Variants in ANTXR2 observed in about 807,000 individuals in gnomAD.
The protein encoded by ANTXR2 is ANTXR cell adhesion molecule 2.
In ANTXR2, 44 loss-of-function variants were observed where a neutral mutation model predicts 73.7. The ratio of observed to expected loss-of-function variants is 0.60; its 90% CI spans 0.47 to 0.77. The LOEUF is 0.77. Ranked by LOEUF, ANTXR2 falls within the 30% of genes least tolerant of loss-of-function variation. The pLI is 0.00. For synonymous variants in ANTXR2, 217 were observed against 205.9 expected (o/e 1.05, Z -0.46); for missense variants, 604 against 592.5 (o/e 1.02, Z -0.20).
In ANTXR2 at chr4:79,901,636, T is replaced by C. The variant is rs1726705390; in HGVS notation, c.*5793A>G. On this transcript the variant is annotated 3_prime_UTR_variant, in exon 17 of 17. Transcript: ENST00000403729. ...AGTGGATTACATTTATTATGTACTT[T>C]ATTTCTATTATTATTACATTGTTAT... is the stretch of plus-strand genomic sequence containing the variant. The C allele has an allele frequency of 6.6e-6, 1 of 151,978 alleles. No homozygotes were observed. The highest frequency in any genetic ancestry group is 2.4e-5 in the African/African-American group (1 of 41,346). The allele number at this position is 151,978 out of a possible 1,614,324, so 9.4% of individuals were successfully genotyped here.
chr4:79,956,644 G>T (rs1168424124), intron 16 of ANTXR2, among the ~76,000 whole-genome samples: 3 of 151,952 alleles, frequency 2.0e-5, no homozygotes, highest in Non-Finnish European at 4.4e-5. Context: ...TAGCTGAATC[G>T]GAGTTCTGAC....
chr4:80,008,516 C>G lies in ANTXR2; in HGVS notation c.1041+5G>C, dbSNP rs2110056028. On this transcript the variant is annotated splice_donor_5th_base_variant and intron_variant, in intron 12 of 16. Coordinates refer to ENST00000403729, the MANE Select transcript of ANTXR2 (RefSeq NM_058172.6). Reference sequence around the variant, plus strand: ...TAAGTAGAGTTGTAAATCCTTCTTACTCACCACTTTGCAGCAAAGGGGCCA... The same window carrying G: ...TAAGTAGAGTTGTAAATCCTTCTTAGTCACCACTTTGCAGCAAAGGGGCCA... 6.2e-7 allele frequency: 1 copy of G among 1,600,288 alleles called. No homozygotes were observed. The highest frequency in any genetic ancestry group is 1.7e-4 in the Middle Eastern group (1 of 6,034).
chr4:79,950,550 A>C (rs1445455389), intron 16 of ANTXR2, among the ~76,000 whole-genome samples: 1 of 152,190 alleles, frequency 6.6e-6, no homozygotes, highest in Non-Finnish European at 1.5e-5. Flanking sequence ...GTTTTTGTAC[A>C]TTCCATGCTA....
chr4:80,041,311 T>C (rs888788543), intron 7 of ANTXR2, among the ~76,000 whole-genome samples: 2 of 152,022 alleles, frequency 1.3e-5, no homozygotes, highest in Non-Finnish European at 2.9e-5. Context: ...CTTAACAAAC[T>C]AGTGAAATGT....
intron 14 of ANTXR2, among the ~76,000 whole-genome samples, chr4:79,980,680 A>C (rs1336096337): frequency 1.3e-5 from 2 of 152,214 alleles, no homozygotes; most frequent in Admixed American, 1.3e-4. Flanking sequence ...ATTTGAAGTC[A>C]TTAGGTATTG....
rs10549471 is a variant in ANTXR2, at chr4:79,966,127, G to GACACACACACACACAC, written c.1428+11478_1428+11493dup. Reference sequence around the variant, plus strand: ...CAATGAATGATTATGCTAGGACTTAGACACACACACACACACACACACACA... The same window carrying GACACACACACACACAC: ...CAATGAATGATTATGCTAGGACTTAGACACACACACACACACACACACACACACACACACACACACA... On this transcript the variant is annotated intron_variant, in intron 16 of 16. Transcript: ENST00000403729. 4.3e-3 allele frequency among the ~76,000 whole-genome samples: 647 copies of GACACACACACACACAC among 149,510 alleles called. 6 individuals carry two copies. The highest frequency in any genetic ancestry group is 0.021 in the Middle Eastern group (6 of 292).
chr4:79,979,404 GA>G (rs796606331), intron 14 of ANTXR2, among the ~76,000 whole-genome samples: 185 of 143,034 alleles, frequency 1.3e-3, no homozygotes, highest in Admixed American at 2.8e-3. Flanking sequence ...TTTCTAAAAA[GA>G]AAAAAAAAAA....
chr4:79,999,859 G>A (rs1277588604), intron 12 of ANTXR2, among the ~76,000 whole-genome samples: 2 of 151,832 alleles, frequency 1.3e-5, no homozygotes, highest in Non-Finnish European at 2.9e-5. Flanking sequence ...GGAGTTCTAG[G>A]CTGCAGCAAA....
At chr4:79,962,580 A>G (rs988761284) in intron 16 of ANTXR2, among the ~76,000 whole-genome samples, 4 of 152,208 alleles carry the variant, frequency 2.6e-5, no homozygotes, top group Non-Finnish European at 5.9e-5. Context: ...TCTTATAGAA[A>G]TAAAAGGTAA....
intron 12 of ANTXR2, among the ~76,000 whole-genome samples, chr4:80,001,357 C>T (rs1290685183): frequency 6.9e-6 from 1 of 144,480 alleles, no homozygotes; most frequent in Non-Finnish European, 1.5e-5. Flanking sequence ...TGATATTCCC[C>T]TTCCTGTGTC....
intron 14 of ANTXR2, among the ~76,000 whole-genome samples, chr4:79,979,307 A>G (rs945974302): frequency 7.9e-5 from 12 of 152,184 alleles, no homozygotes; most frequent in African/African-American, 2.9e-4. Context: ...GACATCACCA[A>G]AAATGGGCGA....
intron 16 of ANTXR2, among the ~76,000 whole-genome samples, chr4:79,914,460 T>C (rs1276864084): frequency 3.3e-5 from 5 of 152,172 alleles, no homozygotes; most frequent in African/African-American, 1.2e-4. Flanking sequence ...TGTAAACTAA[T>C]AAAGGTTTCT....
chr4:79,985,657 T>C (rs1010221209), intron 12 of ANTXR2, among the ~76,000 whole-genome samples: 18 of 152,120 alleles, frequency 1.2e-4, no homozygotes, highest in African/African-American at 4.1e-4. Context: ...ACACCAAGCT[T>C]CCAGATGACT....
At chr4:79,987,155 A>G (rs1730203773) in intron 12 of ANTXR2, among the ~76,000 whole-genome samples, 1 of 152,152 alleles carries the variant, frequency 6.6e-6, no homozygotes, top group Admixed American at 6.5e-5. Flanking sequence ...GAAATGACAG[A>G]CACAGAATCA....
intron 12 of ANTXR2, among the ~76,000 whole-genome samples, chr4:79,995,491 T>C (rs912188229): frequency 6.6e-5 from 10 of 152,060 alleles, no homozygotes; most frequent in East Asian, 3.9e-4. Flanking sequence ...GATAACCCAA[T>C]TGTAGAAGAG....
At chr4:79,998,294 T>C (rs902402453) in intron 12 of ANTXR2, among the ~76,000 whole-genome samples, 1 of 152,010 alleles carries the variant, frequency 6.6e-6, no homozygotes, top group African/African-American at 2.4e-5. Context: ...TTAAATGCAC[T>C]AAAGAAAAAT....
At chr4:80,035,621 A>G (rs1732916380) in intron 8 of ANTXR2, among the ~76,000 whole-genome samples, 1 of 152,152 alleles carries the variant, frequency 6.6e-6, no homozygotes, top group Non-Finnish European at 1.5e-5. Context: ...TCATCAAAGC[A>G]TGGAGCTCAA....
intron 16 of ANTXR2, among the ~76,000 whole-genome samples, chr4:79,949,602 C>T (rs946220679): frequency 6.6e-6 from 1 of 152,154 alleles, no homozygotes; most frequent in Non-Finnish European, 1.5e-5. Context: ...AAGTTTCTAA[C>T]TCCAATGTAA....
intron 16 of ANTXR2, among the ~76,000 whole-genome samples, chr4:79,927,064 T>C (rs1418658205): frequency 2.2e-5 from 2 of 91,110 alleles, no homozygotes; most frequent in Non-Finnish European, 4.5e-5. Context: ...TGTGTGTGTA[T>C]ATATATATAT....
Sources: gnomAD v4.1 joint callset for allele counts (sites outside exome capture counted in the v4.1 genomes callset) on GRCh38, gnomAD v4.1.1 for gene constraint, MANE v1.5 for transcripts, NCBI Gene and HGNC (gene_info 2026-07-23, HGNC 2026-07-21) for gene names.